Variants in CREB3L3 observed in about 807,000 individuals in gnomAD.
The protein encoded by CREB3L3 is cAMP responsive element binding protein 3 like 3.
In CREB3L3, 40 loss-of-function variants were observed where a neutral mutation model predicts 44.6. The ratio of observed to expected loss-of-function variants is 0.90; its 90% CI spans 0.70 to 1.17. The LOEUF (loss-of-function observed/expected upper bound fraction) is 1.17. Ranked by LOEUF, CREB3L3 falls within the 50% of genes most tolerant of loss-of-function variation. The probability of loss-of-function intolerance (pLI) is 0.00; values close to 1 mark genes in which losing one functional copy is unlikely to be tolerated. For missense variants in CREB3L3, 578 were observed against 595.8 expected, an observed-to-expected ratio of 0.97 and a Z score of 0.31; for synonymous variants, 273 against 256.3, an observed-to-expected ratio of 1.06 and a Z score of -0.62.
chr19:4,155,098 G>T, intron 2 of CREB3L3, 71 bp downstream of exon 2: 3 of 1,581,514 alleles, frequency 1.9e-6, no homozygotes, highest in Non-Finnish European at 2.6e-6. Flanking sequence ...CCACGAAGGT[G>T]CTAGACCCGC....
At chr19:4,156,626 C>T (rs1371650585) in intron 2 of CREB3L3, among the ~76,000 whole-genome samples, 2 of 151,458 alleles carry the variant, frequency 1.3e-5, no homozygotes, top group Admixed American at 6.6e-5. Context: ...CTCAGACTCC[C>T]GAGTAGCTGG....
rs951020550 is a variant in CREB3L3 at position 4,159,794 on chromosome 19, C to T, written c.576+12C>T. On this transcript the variant is annotated intron_variant, in intron 4 of 9. Coordinates refer to ENST00000078445, the MANE Select transcript of CREB3L3 (RefSeq NM_032607.3). The stretch of plus-strand genomic sequence containing the variant: ...GCAGTGGGGACCTGGTGAGCACCCC[C>T]ACACCCTCCCATGGGGCGTTGGAGC... 2 of 1,133,804 alleles carry T rather than the reference C, an allele frequency of 1.8e-6. No individual in the cohort carries two copies. Among genetic ancestry groups the T allele is most frequent in the African/African-American group, 1.5e-5 (1 of 65,722 alleles). 70.2% of individuals were successfully genotyped at this position (1,133,804 alleles called of 1,614,324 possible).
chr19:4,156,901 C>T, intron 2 of CREB3L3, 94 bp from the exon 3 acceptor site: 2 of 1,335,300 alleles, frequency 1.5e-6, no homozygotes, highest in Non-Finnish European at 2.1e-6. Flanking sequence ...ACACCTAAGG[C>T]CCAAAGAGGG....
chr19:4,172,091 G>A lies in CREB3L3; in HGVS notation c.*122G>A. 7 of 1,064,168 alleles carry A rather than the reference G, an allele frequency of 6.6e-6. No individual in the cohort carries two copies. The highest frequency in any genetic ancestry group is 9.2e-6 in the Non-Finnish European group (7 of 757,234). The allele number at this position is 1,064,168 out of a possible 1,614,324, so 65.9% of individuals were successfully genotyped here. A position where few individuals can be genotyped will look rare whatever the true frequency, so the allele number is the denominator to read the frequency against. On this transcript the variant is annotated 3_prime_UTR_variant, in exon 10 of 10. Transcript: ENST00000078445. Reference sequence around the variant, plus strand: ...AAGACCCCAGCAGAGATGCCAGAATGGGGGAGGCACAGCTCATAGCCACAC... The same window carrying A: ...AAGACCCCAGCAGAGATGCCAGAATAGGGGAGGCACAGCTCATAGCCACAC...
Position 4,172,561 on chromosome 19 carries a change from C to A in CREB3L3, c.*592C>A. On this transcript the variant is annotated 3_prime_UTR_variant, in exon 10 of 10. Transcript: ENST00000078445. Reference sequence around the variant, plus strand: ...GACCCGGACAGACAGACAGACACAGCCTGAAACAGACCTAGACAGACAGAC... The same window carrying A: ...GACCCGGACAGACAGACAGACACAGACTGAAACAGACCTAGACAGACAGAC... The A allele has an allele frequency of 8.3e-6, 2 of 240,978 alleles. No homozygotes were observed. The highest frequency in any genetic ancestry group is 1.6e-5 in the Non-Finnish European group (2 of 125,322). The allele number at this position is 240,978 out of a possible 1,614,324, so 14.9% of individuals were successfully genotyped here. A position where few individuals can be genotyped will look rare whatever the true frequency, so the allele number is the denominator to read the frequency against.
In CREB3L3 at chr19:4,163,122, A is replaced by G. The variant is rs377742843; in HGVS notation, c.577-1381A>G. Among the ~76,000 whole-genome samples, 461 of 152,138 alleles carry G rather than the reference A, an allele frequency of 3.0e-3. 1 individual carries two copies. Among genetic ancestry groups the G allele is most frequent in the African/African-American group, 0.011 (444 of 41,508 alleles). On this transcript the variant is annotated intron_variant, in intron 4 of 9. Coordinates refer to ENST00000078445, the MANE Select transcript of CREB3L3 (RefSeq NM_032607.3). ...GGAGATCGAGACCTTCCTGGCTAAC[A>G]CGGTGAAACCCCGTCTCTACTAAAA...
At chr19:4,153,886 C>G (rs569538381) in intron 1 of CREB3L3, 112 bp downstream of exon 1, 1 of 1,244,110 alleles carries the variant, frequency 8.0e-7, no homozygotes, top group African/African-American at 1.5e-5. Flanking sequence ...GATGGGAAGA[C>G]TGAGGCCCAG....
intron 7 of CREB3L3, among the ~76,000 whole-genome samples, 168 bp downstream of exon 7, chr19:4,170,376 G>C (rs995842432): frequency 6.6e-6 from 1 of 152,082 alleles, no homozygotes; most frequent in Non-Finnish European, 1.5e-5. Context: ...TTGGGAGGCC[G>C]AGGCGGGTGG....
At chr19:4,162,322 A>G (rs555532634) in intron 4 of CREB3L3, among the ~76,000 whole-genome samples, 10 of 151,916 alleles carry the variant, frequency 6.6e-5, no homozygotes, top group African/African-American at 2.4e-4. Context: ...TATTTTATTT[A>G]AAGTCAAGGT....
chr19:4,166,545 T>A (rs1966910408), intron 5 of CREB3L3, among the ~76,000 whole-genome samples: 1 of 149,534 alleles, frequency 6.7e-6, no homozygotes, highest in African/African-American at 2.5e-5. Context: ...ATTACAGGTG[T>A]GAGCCACTGC....
intron 4 of CREB3L3, 83 bp from the exon 5 acceptor site, chr19:4,164,420 G>A: frequency 6.4e-7 from 1 of 1,570,304 alleles, no homozygotes; most frequent in Non-Finnish European, 8.7e-7. Context: ...GGGTGATAGT[G>A]TTTTCGATCT....
chr19:4,159,155 T>A (rs1183479491), intron 3 of CREB3L3, among the ~76,000 whole-genome samples: 1 of 97,550 alleles, frequency 1.0e-5, no homozygotes, highest in African/African-American at 4.9e-5. Context: ...GGTCCCCATC[T>A]TTTTTTTTTT....
Position 4,171,118 on chromosome 19 carries a change from C to G in CREB3L3, c.918C>G (p.Leu306=), listed in dbSNP as rs1967036186. Residue 306 remains leucine, a synonymous_variant, in exon 8 of 10, where the codon CTC becomes CTG. Coordinates refer to ENST00000078445, the MANE Select transcript of CREB3L3 (RefSeq NM_032607.3). This position sits in a 1 kb window ranked among gnomAD's most constrained non-coding sequence, Gnocchi z 4.9. ...CCCTCTTGGAGCAACTGAAGAAACT[C>G]CAGGCCATTGTGGTGCAGTCCACCA... ...NLSLLEQLKK[L]QAIVVQSTSK... The G allele has an allele frequency of 1.9e-6, 3 of 1,613,930 alleles. No individual in the cohort carries two copies. Among genetic ancestry groups the G allele is most frequent in the Non-Finnish European group, 2.5e-6 (3 of 1,180,000 alleles).
intron 3 of CREB3L3, among the ~76,000 whole-genome samples, chr19:4,157,524 G>A (rs149428825): frequency 2.0e-5 from 3 of 152,296 alleles, no homozygotes; most frequent in African/African-American, 7.2e-5. Context: ...AAACAGTCCT[G>A]TCAGGTTGAG....
At chr19:4,169,544 A>G (rs1966995902) in intron 6 of CREB3L3, among the ~76,000 whole-genome samples, 1 of 145,970 alleles carries the variant, frequency 6.9e-6, no homozygotes, top group African/African-American at 2.6e-5. Flanking sequence ...CTGATATTTC[A>G]TCTTCTGGAA....
intron 4 of CREB3L3, among the ~76,000 whole-genome samples, chr19:4,163,371 G>GGAAA (rs1325102226): frequency 3.3e-4 from 42 of 126,068 alleles, no homozygotes; most frequent in Middle Eastern, 4.7e-3. Context: ...AAGGAAGGAA[G>GGAAA]GAAAGAAAGA....
chr19:4,154,865 T>C, intron 1 of CREB3L3, 34 bp from the exon 2 acceptor site: 1 of 1,613,394 alleles, frequency 6.2e-7, no homozygotes, highest in Non-Finnish European at 8.5e-7. Flanking sequence ...ACAGGGGCTG[T>C]ATGTGACCCT....
intron 1 of CREB3L3, among the ~76,000 whole-genome samples, chr19:4,154,365 C>A (rs991739090): frequency 1.3e-5 from 2 of 152,006 alleles, no homozygotes; most frequent in African/African-American, 4.8e-5. Flanking sequence ...AGCCACCGTG[C>A]CTGCCATACT....
intron 5 of CREB3L3, among the ~76,000 whole-genome samples, chr19:4,164,868 C>A (rs1338074486): frequency 6.6e-6 from 1 of 150,638 alleles, no homozygotes; most frequent in Non-Finnish European, 1.5e-5. Context: ...GCCACCACGC[C>A]CAGCTAATTT....
Sources: gnomAD v4.1 joint callset for allele counts (sites outside exome capture counted in the v4.1 genomes callset) on GRCh38, gnomAD v4.1.1 for gene constraint, Gnocchi (gnomAD v3.1) non-coding constraint, MANE v1.5 for transcripts, NCBI Gene and HGNC (gene_info 2026-07-23, HGNC 2026-07-21) for gene names.